Variants in PNP observed in about 807,000 individuals in gnomAD.
PNP encodes the protein HEL-S-156an.
In PNP, 18 loss-of-function variants were observed where a neutral mutation model predicts 26.8. The ratio of observed to expected loss-of-function variants is 0.67; its 90% CI spans 0.46 to 1.00. The LOEUF (loss-of-function observed/expected upper bound fraction) is 1.00, where lower values mean the gene tolerates loss of function less well. Among genes scored for constraint, PNP ranks in the 50% least tolerant of loss-of-function variants. The pLI is 0.00. For missense variants in PNP, 320 were observed against 362.9 expected (o/e 0.88, Z 0.96); for synonymous variants, 116 against 124.8 (o/e 0.93, Z 0.47).
intron 2 of PNP, chr14:20,472,874 GA>G (rs1323253179): frequency 5.4e-5 from 13 of 240,360 alleles, no homozygotes; most frequent in Non-Finnish European, 8.3e-5. Flanking sequence ...CTGTCAGCAG[GA>G]AAAGACCTTT....
Position 20,472,384 on chromosome 14 carries a change from A to T in PNP, c.88A>T (p.Ile30Phe), listed in dbSNP as rs1354231255. 1 of 1,613,984 alleles carries T rather than the reference A, an allele frequency of 6.2e-7. No homozygotes were observed. Among genetic ancestry groups the T allele is most frequent in the South Asian group, 1.1e-5 (1 of 91,082 alleles). The change falls in exon 2 of 6, where the codon ATC (isoleucine) becomes TTC (phenylalanine). Residue 30 changes from isoleucine (I) to phenylalanine (F), a missense_variant. Coordinates refer to ENST00000361505, the MANE Select transcript of PNP (RefSeq NM_000270.4). Reference sequence around the variant, plus strand: ...TAAGCACCGACCTCAAGTTGCAATAATCTGTGGTTCTGGATTAGGAGGTCT... The same window carrying T: ...TAAGCACCGACCTCAAGTTGCAATATTCTGTGGTTCTGGATTAGGAGGTCT... ...HTKHRPQVAI[I>F]CGSGLGGLTD... is the part of the protein sequence containing the mutation.
At chr14:20,472,160 A>G (rs2139334946) in intron 1 of PNP, 148 bp from the exon 2 acceptor site, 1 of 743,830 alleles carries the variant, frequency 1.3e-6, no homozygotes, top group Non-Finnish European at 2.4e-6. Context: ...GAGTAGATGG[A>G]AGAGCATAGT....
chr14:20,469,472 G>C lies in PNP; in HGVS notation c.-53G>C. On this transcript the variant is annotated 5_prime_UTR_variant, in exon 1 of 6. Transcript: ENST00000361505. ...TAGCGGAGCGGATCCGATCGGATCG[G>C]AGCGGATCGGAGCACACCGGAGCAG... 1 of 1,549,398 alleles carries C rather than the reference G, an allele frequency of 6.5e-7. No homozygotes were observed.
intron 1 of PNP, among the ~76,000 whole-genome samples, chr14:20,471,986 C>CT (rs1881996499): frequency 6.6e-6 from 1 of 152,172 alleles, no homozygotes; most frequent in South Asian, 2.1e-4. Flanking sequence ...CTCTCTAAAC[C>CT]TTTGTCATAA....
chr14:20,476,314 G>T, intron 5 of PNP, 70 bp from the exon 6 acceptor site: 2 of 1,231,676 alleles, frequency 1.6e-6, no homozygotes, highest in South Asian at 2.4e-5. Context: ...TGTTGAAAGC[G>T]AGGCTAAAGG....
chr14:20,469,738 C>A (rs1881946789), intron 1 of PNP: 2 of 696,306 alleles, frequency 2.9e-6, no homozygotes, highest in Admixed American at 4.7e-5. Flanking sequence ...ACGCGGGAAT[C>A]GAGCTGGGGT....
intron 2 of PNP, chr14:20,473,392 C>T (rs1326390372): frequency 2.0e-5 from 3 of 152,186 alleles, no homozygotes; most frequent in Admixed American, 6.5e-5. Flanking sequence ...CACTTGCATG[C>T]GTTCAAATTC....
At chr14:20,474,339 G>A (rs1882050380) in intron 2 of PNP, 133 bp from the exon 3 acceptor site, 2 of 768,602 alleles carry the variant, frequency 2.6e-6, no homozygotes, top group South Asian at 3.0e-5. Flanking sequence ...TGAAAGCAGA[G>A]ATAATAATGA....
At position 20,469,855 on chromosome 14, in the gene PNP, A is replaced by G; in HGVS notation, c.11+320A>G. The G allele has an allele frequency of 6.9e-6, 4 of 576,308 alleles. 1 individual carries two copies. In the South Asian group the frequency reaches 8.0e-5, roughly 11 times the overall value. 35.7% of individuals were successfully genotyped at this position (576,308 alleles called of 1,614,324 possible). ...GTGTTAGGGGAACAAGTGGAGAGTG[A>G]GTATATGTATATATCCCTCACTCCA... On this transcript the variant is annotated intron_variant, in intron 1 of 5. Coordinates refer to ENST00000361505, the MANE Select transcript of PNP (RefSeq NM_000270.4).
intron 1 of PNP, among the ~76,000 whole-genome samples, chr14:20,471,266 G>T (rs901254090): frequency 6.8e-6 from 1 of 146,244 alleles, no homozygotes; most frequent in East Asian, 2.0e-4. Context: ...AGCCAGGATG[G>T]TCTCGATCTC....
intron 5 of PNP, 81 bp downstream of exon 5, chr14:20,475,333 G>C (rs1055803011): frequency 1.7e-6 from 2 of 1,210,010 alleles, no homozygotes; most frequent in African/African-American, 1.5e-5. Flanking sequence ...GAAATAACAG[G>C]CCTCATTGGA....
At chr14:20,471,378 A>T (rs2139334146) in intron 1 of PNP, among the ~76,000 whole-genome samples, 1 of 151,646 alleles carries the variant, frequency 6.6e-6, no homozygotes, top group Non-Finnish European at 1.5e-5. Context: ...TCAAAATTAC[A>T]TGGGCTTCAG....
At chr14:20,469,880 A>C (rs1226763727) in intron 1 of PNP, 1 of 497,430 alleles carries the variant, frequency 2.0e-6, no homozygotes, top group African/African-American at 1.9e-5. Flanking sequence ...CCCTCACTCC[A>C]TACCAGGAGG....
At chr14:20,471,354 A>G (rs1881984004) in intron 1 of PNP, among the ~76,000 whole-genome samples, 1 of 151,092 alleles carries the variant, frequency 6.6e-6, no homozygotes, top group African/African-American at 2.4e-5. Context: ...CAGCCCCTAA[A>G]CCTGGTTTTA....
rs1202175780 is a variant in PNP at position 20,476,770 on chromosome 14, TC to T, written c.*171del. On this transcript the variant is annotated 3_prime_UTR_variant, in exon 6 of 6. Transcript: ENST00000361505. ...TCTACCAGACCCTTCTGGTGCCAGA[TC>T]CTCTTCTCAAAGCTGGGATTACAGG... 4 of 678,744 alleles carry T rather than the reference TC, an allele frequency of 5.9e-6. No homozygotes were observed. The East Asian group carries it at 1.1e-4, about 19-fold the overall frequency. The allele number at this position is 678,744 out of a possible 1,614,324, so 42.0% of individuals were successfully genotyped here. A position where few individuals can be genotyped will look rare whatever the true frequency, so the allele number is the denominator to read the frequency against.
In PNP at chr14:20,469,471, G is replaced by A; in HGVS notation, c.-54G>A. ...ATAGCGGAGCGGATCCGATCGGATC[G>A]GAGCGGATCGGAGCACACCGGAGCA... is the stretch of plus-strand genomic sequence containing the variant. On this transcript the variant is annotated 5_prime_UTR_variant, in exon 1 of 6. Transcript: ENST00000361505. 5.2e-6 allele frequency: 8 copies of A among 1,548,428 alleles called. No homozygotes were observed. The highest frequency in any genetic ancestry group is 7.0e-6 in the Non-Finnish European group (8 of 1,145,830).
At chr14:20,469,869 T>TAA (rs1465817571) in intron 1 of PNP, 4 of 531,422 alleles carry the variant, frequency 7.5e-6, no homozygotes, top group Non-Finnish European at 1.4e-5. Flanking sequence ...TATGTATATA[T>TAA]CCCTCACTCC....
chr14:20,475,507 C>A (rs539520631), intron 5 of PNP, among the ~76,000 whole-genome samples: 1 of 152,084 alleles, frequency 6.6e-6, no homozygotes, highest in Non-Finnish European at 1.5e-5. Context: ...TTTTTTGAGA[C>A]GGAATGTCGC....
chr14:20,469,734 G>A, intron 1 of PNP, 199 bp downstream of exon 1: 2 of 720,268 alleles, frequency 2.8e-6, no homozygotes, highest in Non-Finnish European at 4.8e-6. Flanking sequence ...ACGCACGCGG[G>A]AATCGAGCTG....
Sources: gnomAD v4.1 joint callset for allele counts (sites outside exome capture counted in the v4.1 genomes callset) on GRCh38, gnomAD v4.1.1 for gene constraint, MANE v1.5 for transcripts, NCBI Gene and HGNC (gene_info 2026-07-23, HGNC 2026-07-21) for gene names.